CELF2: variants seen among roughly 807,000 people sequenced by gnomAD.
The protein encoded by CELF2 is CUGBP Elav-like family member 2.
In CELF2, 8 loss-of-function variants were observed where a neutral mutation model predicts 62.6. The observed-to-expected ratio is 0.13, with a 90% CI of 0.07 to 0.23. The LOEUF is 0.23. Among genes scored for constraint, CELF2 ranks in the 10% least tolerant of loss-of-function variants. The pLI, the probability that CELF2 is intolerant of heterozygous loss-of-function variation, is 1.00. For synonymous variants in CELF2, 258 were observed against 250.0 expected (o/e 1.03, Z -0.30); for missense variants, 333 against 671.0 (o/e 0.50, Z 5.56).
chr10:10,507,311 A>C, the CELF2 span, among the ~76,000 whole-genome samples: 3 of 144,140 alleles, frequency 2.1e-5, no homozygotes, highest in African/African-American at 7.7e-5. Flanking sequence ...CTCACACCTA[A>C]ATTTTGAGAA....
chr10:10,746,906 G>A, the CELF2 span, among the ~76,000 whole-genome samples: 1 of 152,174 alleles, frequency 6.6e-6, no homozygotes, highest in Non-Finnish European at 1.5e-5. Flanking sequence ...CACCTTTGCT[G>A]CCTGGTGTCA....
chr10:10,976,924 C>T (rs567820136), intron 2 of CELF2, among the ~76,000 whole-genome samples: 11 of 152,258 alleles, frequency 7.2e-5, no homozygotes, highest in African/African-American at 1.9e-4. Flanking sequence ...TCTGCCTAAA[C>T]GGCTCAAGCA....
chr10:11,076,591 A>G (rs1171831371), intron 1 of CELF2, among the ~76,000 whole-genome samples: 2 of 152,248 alleles, frequency 1.3e-5, no homozygotes, highest in Non-Finnish European at 2.9e-5. Context: ...TTCTCCTGTT[A>G]CCAGTGTAAC....
chr10:10,683,485 G>A, the CELF2 span, among the ~76,000 whole-genome samples: 1 of 152,224 alleles, frequency 6.6e-6, no homozygotes, highest in Admixed American at 6.5e-5. Context: ...CCATAAACAC[G>A]TATTTGCCAC....
chr10:10,674,020 A>C, the CELF2 span, among the ~76,000 whole-genome samples: 3 of 152,218 alleles, frequency 2.0e-5, no homozygotes, highest in Non-Finnish European at 4.4e-5. Context: ...CAAGTAATTT[A>C]TAGATGTCCA....
intron 1 of CELF2, among the ~76,000 whole-genome samples, chr10:11,160,214 C>T (rs1044273538): frequency 3.3e-5 from 5 of 152,208 alleles, no homozygotes; most frequent in Admixed American, 2.0e-4. Context: ...GGGAACTATC[C>T]TCTTGCTTTG....
the CELF2 span, among the ~76,000 whole-genome samples, chr10:10,507,455 A>G: frequency 6.6e-6 from 1 of 152,152 alleles, no homozygotes. Context: ...GAGTCTCAAC[A>G]GGTCAGGTAC....
chr10:11,307,381 G>A (rs1188507494), intron 9 of CELF2, among the ~76,000 whole-genome samples: 2 of 152,348 alleles, frequency 1.3e-5, no homozygotes, highest in Admixed American at 6.5e-5. Flanking sequence ...AGGTCCTCCA[G>A]CAGAAGCCAG....
the CELF2 span, among the ~76,000 whole-genome samples, chr10:10,592,018 A>G: frequency 6.6e-6 from 1 of 152,236 alleles, no homozygotes; most frequent in African/African-American, 2.4e-5. Context: ...TGAGGCCAAA[A>G]GACAAAAAAA....
chr10:10,761,497 T>C, the CELF2 span, among the ~76,000 whole-genome samples: 1 of 152,214 alleles, frequency 6.6e-6, no homozygotes. Context: ...TCAAATATTA[T>C]TCTGGGTGTT....
Position 11,257,895 on chromosome 10 carries a change from C to T in CELF2, c.538+23C>T, listed in dbSNP as rs759102563. 2.5e-6 allele frequency: 4 copies of T among 1,613,338 alleles called. No homozygotes were observed. In the Admixed American group the frequency reaches 6.7e-5, roughly 27 times the overall value. On this transcript the variant is annotated intron_variant, in intron 5 of 12. Coordinates refer to ENST00000633077, the MANE Select transcript of CELF2 (RefSeq NM_001326342.2). Reference sequence around the variant, plus strand: ...GAGGTGAGTGTGCTGTCTGGAAAGCCTCTCCCCTTCAGTGCTAATTGGAGC... The same window carrying T: ...GAGGTGAGTGTGCTGTCTGGAAAGCTTCTCCCCTTCAGTGCTAATTGGAGC...
At chr10:10,631,856 G>T in the CELF2 span, among the ~76,000 whole-genome samples, 1 of 152,220 alleles carries the variant, frequency 6.6e-6, no homozygotes, top group Non-Finnish European at 1.5e-5. Context: ...AACCTCTGGT[G>T]CAGGGAGGGC....
At chr10:10,920,407 T>C (rs1422253214) in intron 2 of CELF2, among the ~76,000 whole-genome samples, 2 of 152,220 alleles carry the variant, frequency 1.3e-5, no homozygotes, top group African/African-American at 4.8e-5. Flanking sequence ...CTTAGAGATT[T>C]ATGAAAGAAT....
chr10:11,279,856 T>C (rs1362354677), intron 8 of CELF2, among the ~76,000 whole-genome samples: 1 of 152,216 alleles, frequency 6.6e-6, no homozygotes, highest in Non-Finnish European at 1.5e-5. Flanking sequence ...GTTGAATCCC[T>C]GTATTCTCAA....
chr10:10,962,695 A>G (rs2049658570), intron 2 of CELF2, among the ~76,000 whole-genome samples: 2 of 152,192 alleles, frequency 1.3e-5, no homozygotes, highest in African/African-American at 4.8e-5. Context: ...GTTTCATTCC[A>G]GCTTGGGTGT....
the CELF2 span, among the ~76,000 whole-genome samples, chr10:10,477,403 G>A: frequency 1.3e-5 from 2 of 152,094 alleles, no homozygotes; most frequent in South Asian, 4.1e-4. Flanking sequence ...ACAATGGGTG[G>A]GCCTAGAAGT....
At chr10:10,611,134 G>A in the CELF2 span, among the ~76,000 whole-genome samples, 1 of 152,112 alleles carries the variant, frequency 6.6e-6, no homozygotes, top group African/African-American at 2.4e-5. Context: ...TGTATCCCCT[G>A]AGTTATTGTG....
At chr10:11,143,855 TTG>T (rs1411846943) in intron 1 of CELF2, among the ~76,000 whole-genome samples, 1 of 152,384 alleles carries the variant, frequency 6.6e-6, no homozygotes, top group Non-Finnish European at 1.5e-5. Context: ...CTGACTTAAA[TTG>T]TTTTTCAGAG....
At chr10:11,205,883 A>G (rs2060315785) in intron 2 of CELF2, among the ~76,000 whole-genome samples, 1 of 152,224 alleles carries the variant, frequency 6.6e-6, no homozygotes, top group African/African-American at 2.4e-5. Flanking sequence ...TCCAACAAGA[A>G]AAAACAATCT....
Sources: gnomAD v4.1 joint callset for allele counts (sites outside exome capture counted in the v4.1 genomes callset) on GRCh38, gnomAD v4.1.1 for gene constraint, MANE v1.5 for transcripts, NCBI Gene and HGNC (gene_info 2026-07-23, HGNC 2026-07-21) for gene names.